The following UBAC2 variants were observed in gnomAD, a reference collection of about 807,000 sequenced individuals.
UBAC2 encodes ubiquitin-associated domain-containing protein 2.
In UBAC2, 26 loss-of-function variants were observed where a neutral mutation model predicts 44.0. The ratio of observed to expected loss-of-function variants is 0.59; its 90% CI spans 0.43 to 0.82. The LOEUF is 0.82. UBAC2 is among the 40% of genes least tolerant of loss of function. The probability of loss-of-function intolerance (pLI) is 0.00; values close to 1 mark genes in which losing one functional copy is unlikely to be tolerated. For synonymous variants in UBAC2, 155 were observed against 154.3 expected (o/e 1.00, Z -0.04); for missense variants, 329 against 419.4 (o/e 0.78, Z 1.88).
chr13:99,330,068 ATT>A (rs1477834477), intron 6 of UBAC2, among the ~76,000 whole-genome samples: 1 of 152,166 alleles, frequency 6.6e-6, no homozygotes, highest in Non-Finnish European at 1.5e-5. Context: ...CACATCTTTC[ATT>A]AGATGTATTT....
chr13:99,204,435 A>G (rs1007354481), intron 1 of UBAC2, among the ~76,000 whole-genome samples: 1 of 152,172 alleles, frequency 6.6e-6, no homozygotes, highest in Non-Finnish European at 1.5e-5. Flanking sequence ...TTATGGCTGG[A>G]GTGAGCAGTT....
chr13:99,285,566 A>AT (rs1480939961), intron 4 of UBAC2, among the ~76,000 whole-genome samples: 2 of 151,608 alleles, frequency 1.3e-5, no homozygotes, highest in African/African-American at 4.8e-5. Context: ...CTAATTCTTA[A>AT]TTTTTTATAG....
chr13:99,222,605 A>C (rs2043063130), intron 1 of UBAC2, among the ~76,000 whole-genome samples: 1 of 152,232 alleles, frequency 6.6e-6, no homozygotes, highest in African/African-American at 2.4e-5. Context: ...TCATAGAATA[A>C]GCAGTAATTG....
intron 4 of UBAC2, among the ~76,000 whole-genome samples, chr13:99,296,337 G>A (rs906210176): frequency 6.6e-6 from 1 of 151,978 alleles, no homozygotes; most frequent in African/African-American, 2.4e-5. Flanking sequence ...ATTATAATAT[G>A]GTTACATATA....
At chr13:99,244,704 A>G (rs2043360564) in intron 4 of UBAC2, 80 bp downstream of exon 4, 4 of 852,502 alleles carry the variant, frequency 4.7e-6, no homozygotes, top group Non-Finnish European at 7.2e-6. Flanking sequence ...TGTGAAAGTC[A>G]GTAAAATAAT....
At chr13:99,333,793 G>A (rs1375680402) in intron 6 of UBAC2, among the ~76,000 whole-genome samples, 2 of 152,178 alleles carry the variant, frequency 1.3e-5, no homozygotes, top group African/African-American at 4.8e-5. Flanking sequence ...GGGAAGGCAT[G>A]GACAGGAGAG....
chr13:99,279,234 G>A (rs1387790819), intron 4 of UBAC2, among the ~76,000 whole-genome samples: 1 of 151,874 alleles, frequency 6.6e-6, no homozygotes, highest in Non-Finnish European at 1.5e-5. Flanking sequence ...TAGCCCTACC[G>A]GGGATTTTAG....
chr13:99,212,458 G>T (rs1047914450), intron 1 of UBAC2, among the ~76,000 whole-genome samples: 4 of 152,278 alleles, frequency 2.6e-5, no homozygotes, highest in South Asian at 2.1e-4. Context: ...CCCTTCAGTG[G>T]ACGTGATACA....
chr13:99,325,396 CCCGGCCTATGT>C (rs1235524049), intron 6 of UBAC2, among the ~76,000 whole-genome samples: 1 of 152,156 alleles, frequency 6.6e-6, no homozygotes, highest in Non-Finnish European at 1.5e-5. Flanking sequence ...AGCCACAGTG[CCCGGCCTATGT>C]CTATGCTCTT....
chr13:99,277,167 C>T (rs1014109511), intron 4 of UBAC2, among the ~76,000 whole-genome samples: 18 of 152,104 alleles, frequency 1.2e-4, no homozygotes, highest in African/African-American at 4.1e-4. Context: ...TTTAATGTCA[C>T]TCTTATGAGA....
intron 7 of UBAC2, among the ~76,000 whole-genome samples, chr13:99,367,498 G>T (rs1239548055): frequency 1.3e-5 from 2 of 152,176 alleles, no homozygotes; most frequent in Admixed American, 1.3e-4. Context: ...GAAATTAGGA[G>T]TGTCTGTACA....
intron 6 of UBAC2, among the ~76,000 whole-genome samples, chr13:99,338,213 A>G (rs1482573024): frequency 6.6e-6 from 1 of 150,804 alleles, no homozygotes; most frequent in Non-Finnish European, 1.5e-5. Flanking sequence ...GTGTGCCACC[A>G]CGCCCGGCTA....
At chr13:99,230,754 A>G (rs996904810) in intron 1 of UBAC2, among the ~76,000 whole-genome samples, 1 of 152,130 alleles carries the variant, frequency 6.6e-6, no homozygotes, top group African/African-American at 2.4e-5. Context: ...TCTTGCACTT[A>G]AAAGGACTCT....
At chr13:99,268,716 A>C (rs1427112194) in intron 4 of UBAC2, among the ~76,000 whole-genome samples, 1 of 151,926 alleles carries the variant, frequency 6.6e-6, no homozygotes, top group African/African-American at 2.4e-5. Flanking sequence ...AGAGGCACTG[A>C]ATGATAGAGT....
intron 5 of UBAC2, among the ~76,000 whole-genome samples, chr13:99,315,318 A>T (rs1284255890): frequency 1.3e-5 from 2 of 152,186 alleles, no homozygotes; most frequent in African/African-American, 4.8e-5. Flanking sequence ...GACAGAGGCC[A>T]TGTGGAATTC....
chr13:99,300,411 A>G (rs1000549481), intron 4 of UBAC2, among the ~76,000 whole-genome samples: 1 of 152,178 alleles, frequency 6.6e-6, no homozygotes, highest in Non-Finnish European at 1.5e-5. Context: ...GTTCTTGCTT[A>G]TATTTATCCT....
At chr13:99,333,524 C>T (rs1156233755) in intron 6 of UBAC2, among the ~76,000 whole-genome samples, 1 of 152,198 alleles carries the variant, frequency 6.6e-6, no homozygotes, top group African/African-American at 2.4e-5. Context: ...TACTATGTGC[C>T]AGACACTGTT....
Position 99,254,541 on chromosome 13 carries a change from G to C in UBAC2, c.389+9917G>C, listed in dbSNP as rs989375802. Among the ~76,000 whole-genome samples, 6 of 152,052 alleles carry C rather than the reference G, an allele frequency of 3.9e-5. No homozygotes were observed. In the South Asian group the frequency reaches 1.2e-3, roughly 32 times the overall value. ...ATTCCTAGTGCAAATTAGACCTAAGGGAGCTGCATCTAGATAGAAAATAAT... is the reference window on the plus strand; with the variant it reads ...ATTCCTAGTGCAAATTAGACCTAAGCGAGCTGCATCTAGATAGAAAATAAT... On this transcript the variant is annotated intron_variant, in intron 4 of 8. Transcript: ENST00000403766.
At chr13:99,351,188 A>G (rs1267712446) in intron 7 of UBAC2, among the ~76,000 whole-genome samples, 1 of 152,252 alleles carries the variant, frequency 6.6e-6, no homozygotes, top group African/African-American at 2.4e-5. Flanking sequence ...CAGAGGCTCT[A>G]TCAGATATTA....
Sources: allele counts gnomAD v4.1 joint callset (sites outside exome capture counted in the v4.1 genomes callset), GRCh38; gene constraint gnomAD v4.1.1; transcripts MANE v1.5; gene names NCBI Gene and HGNC (gene_info 2026-07-23, HGNC 2026-07-21).